The following TMTC4 variants were observed in gnomAD, a reference collection of about 807,000 sequenced individuals.
TMTC4 encodes the protein transmembrane O-mannosyltransferase targeting cadherins 4, also known as protein O-mannosyl-transferase TMTC4.
TMTC4 carries 65 observed loss-of-function variants against 86.0 expected under a neutral mutation model. The ratio of observed to expected loss-of-function variants is 0.76; its 90% CI spans 0.62 to 0.93. The LOEUF (loss-of-function observed/expected upper bound fraction) is 0.93, where lower values mean the gene tolerates loss of function less well. Ranked by LOEUF, TMTC4 falls within the 40% of genes least tolerant of loss-of-function variation. The pLI is 0.00. For missense variants in TMTC4, 866 were observed against 948.1 expected, an observed-to-expected ratio of 0.91 and a Z score of 1.14; for synonymous variants, 379 against 382.5, an observed-to-expected ratio of 0.99 and a Z score of 0.11.
chr13:100,623,334 G>A (rs1354502983), intron 15 of TMTC4, among the ~76,000 whole-genome samples: 1 of 152,252 alleles, frequency 6.6e-6, no homozygotes, highest in Non-Finnish European at 1.5e-5. Flanking sequence ...CCAGGTTCAA[G>A]TGATTTTCCT....
rs1876400345 is a variant in TMTC4, at chr13:100,605,243, G to C, written c.2135-101C>G. The C allele has an allele frequency of 7.5e-7, 1 of 1,326,754 alleles. No homozygotes were observed. The highest frequency in any genetic ancestry group is 1.0e-6 in the Non-Finnish European group (1 of 974,752). The allele number at this position is 1,326,754 out of a possible 1,614,324, so 82.2% of individuals were successfully genotyped here. A position where few individuals can be genotyped will look rare whatever the true frequency, so the allele number is the denominator to read the frequency against. On this transcript the variant is annotated intron_variant, in intron 18 of 18. Transcript: ENST00000342624. The surrounding 1 kb of genome is among the most constrained non-coding windows in gnomAD (Gnocchi z 4.3). ...AAATATTACAGATCCTATGCAAACA[G>C]TTTTCAAAAGTCAATTGTATGAAAC...
chr13:100,655,016 A>ATTTTTTTTTTTTTTTTTTTTTTT (rs35965658), intron 6 of TMTC4, among the ~76,000 whole-genome samples: 1 of 118,656 alleles, frequency 8.4e-6, no homozygotes. Context: ...CACAACGCCT[A>ATTTTTTTTTTTTTTTTTTTTTTT]TTTTTTTTTT....
At chr13:100,649,163 C>T (rs934587146) in intron 6 of TMTC4, among the ~76,000 whole-genome samples, 2 of 152,062 alleles carry the variant, frequency 1.3e-5, no homozygotes, top group Non-Finnish European at 2.9e-5. Flanking sequence ...CAAGGCCAGC[C>T]CATACAGCGT....
Position 100,665,536 on chromosome 13 carries a change from C to G in TMTC4, c.220-1200G>C, listed in dbSNP as rs145577500. Among the ~76,000 whole-genome samples the G allele has an allele frequency of 1.1e-4, 17 of 152,366 alleles. No individual in the cohort carries two copies. The East Asian group carries it at 3.3e-3, about 29-fold the overall frequency. ...TCATGCGCCGGGCACCTGGCAGAGACTGCCTGGCTGCCTCTGGGCCCCCAC... is the reference window on the plus strand; with the variant it reads ...TCATGCGCCGGGCACCTGGCAGAGAGTGCCTGGCTGCCTCTGGGCCCCCAC... On this transcript the variant is annotated intron_variant, in intron 3 of 18. Transcript: ENST00000342624.
At chr13:100,666,590 C>G (rs982164641) in intron 3 of TMTC4, among the ~76,000 whole-genome samples, 2 of 152,182 alleles carry the variant, frequency 1.3e-5, no homozygotes, top group Non-Finnish European at 2.9e-5. Context: ...CTTTATATGT[C>G]TTCTGCTTTA....
intron 15 of TMTC4, among the ~76,000 whole-genome samples, chr13:100,618,451 CTTGTTTTTTT>C (rs1368919199): frequency 1.2e-5 from 1 of 82,438 alleles, no homozygotes; most frequent in African/African-American, 3.9e-5. Context: ...TTTGTTGCTT[CTTGTTTTTTT>C]TTTTTTTTTA....
chr13:100,628,119 A>G (rs1430781141), intron 12 of TMTC4, among the ~76,000 whole-genome samples: 1 of 152,190 alleles, frequency 6.6e-6, no homozygotes, highest in Admixed American at 6.5e-5. Context: ...GTTTAGGGGT[A>G]CAGGATAGGC....
chr13:100,674,485 C>G (rs1258604093), intron 1 of TMTC4: 1 of 730,478 alleles, frequency 1.4e-6, no homozygotes, highest in African/African-American at 1.9e-5. Flanking sequence ...GGGGCCCGAG[C>G]GCGGCGGGCG....
intron 6 of TMTC4, among the ~76,000 whole-genome samples, chr13:100,651,782 G>C (rs1192571034): frequency 6.6e-6 from 1 of 151,910 alleles, no homozygotes; most frequent in Non-Finnish European, 1.5e-5. Context: ...TCTGATATTA[G>C]GCCTTTCTTT....
In TMTC4 at chr13:100,664,299, T is replaced by C. The variant is rs1042682135; in HGVS notation, c.257A>G (p.His86Arg). 14 of 1,611,996 alleles carry C rather than the reference T, an allele frequency of 8.7e-6. No homozygotes were observed. The highest frequency in any genetic ancestry group is 1.2e-5 in the Non-Finnish European group (14 of 1,178,982). ...QAETPLGDLW[H>R]HDFWGSRLSS... is the part of the protein sequence containing the mutation. ...CAGTCTACTGCCCCAGAAGTCATGA[T>C]GCCACAGGTCCCCCAGGGGCGTTTC... The change falls in exon 4 of 19, where the codon CAT becomes CGT. Residue 86 changes from histidine (H) to arginine (R), a missense_variant. By Grantham distance (29) the His-to-Arg change is conservative. Coordinates refer to ENST00000342624, the MANE Select transcript of TMTC4 (RefSeq NM_032813.5).
intron 3 of TMTC4, among the ~76,000 whole-genome samples, chr13:100,665,591 G>T (rs1228607356): frequency 6.6e-6 from 1 of 152,182 alleles, no homozygotes; most frequent in African/African-American, 2.4e-5. Context: ...ATTCCAACAG[G>T]TGGGCGCACC....
In TMTC4 at chr13:100,638,015, T is replaced by C; in HGVS notation, c.749A>G (p.Asn250Ser). ...KEQGITVLGL[N>S]AVFDILVIGK... ...TATCACCAAGATGTCAAATACCGCA[T>C]TTAAACCCTAAGAAAGCAAAGCAAG... Residue 250 changes from asparagine to serine, a missense_variant, in exon 8 of 19, where the codon AAT becomes AGT. Asn to Ser is a conservative substitution (Grantham distance 46, BLOSUM62 1). Coordinates refer to ENST00000342624, the MANE Select transcript of TMTC4 (RefSeq NM_032813.5). The C allele has an allele frequency of 6.2e-7, 1 of 1,613,816 alleles. No individual in the cohort carries two copies. Among genetic ancestry groups the C allele is most frequent in the Middle Eastern group, 1.7e-4 (1 of 6,060 alleles).
intron 6 of TMTC4, among the ~76,000 whole-genome samples, chr13:100,655,083 G>A (rs1191595274): frequency 2.7e-5 from 4 of 146,574 alleles, no homozygotes; most frequent in South Asian, 2.2e-4. Flanking sequence ...GTGCAGTGGC[G>A]CAATCTCGGC....
intron 6 of TMTC4, among the ~76,000 whole-genome samples, chr13:100,653,967 A>G (rs1884759400): frequency 6.6e-6 from 1 of 152,218 alleles, no homozygotes; most frequent in Non-Finnish European, 1.5e-5. Flanking sequence ...GGTGCCTGCA[A>G]AGGCCCAGAG....
At chr13:100,634,745 C>A in intron 12 of TMTC4, 60 bp downstream of exon 12, 1 of 1,563,798 alleles carries the variant, frequency 6.4e-7, no homozygotes, top group Non-Finnish European at 8.7e-7. Flanking sequence ...CTTATTCAGC[C>A]CAAGAACTTA....
chr13:100,668,277 A>G (rs1430552624), intron 3 of TMTC4: 2 of 289,496 alleles, frequency 6.9e-6, no homozygotes, highest in Non-Finnish European at 1.3e-5. Context: ...CTAAGTCTGC[A>G]ACACCCTGCA....
rs935062455 is a variant in TMTC4, at chr13:100,603,873, G to A, written c.*1121C>T. The A allele has an allele frequency of 2.6e-5, 4 of 152,502 alleles. No homozygotes were observed. The highest frequency in any genetic ancestry group is 9.7e-5 in the African/African-American group (4 of 41,406). The allele number at this position is 152,502 out of a possible 1,614,324, so 9.4% of individuals were successfully genotyped here. A position where few individuals can be genotyped will look rare whatever the true frequency, so the allele number is the denominator to read the frequency against. On this transcript the variant is annotated 3_prime_UTR_variant, in exon 19 of 19. Coordinates refer to ENST00000342624, the MANE Select transcript of TMTC4 (RefSeq NM_032813.5). ...CAGTTTGATTTCATTTTAAGGTAAA[G>A]GAGGATACAAAGTTCACTACTTGAA...
rs138668023 is a variant in TMTC4, at chr13:100,613,185, G to A, written c.1952-675C>T. 4.3e-3 allele frequency among the ~76,000 whole-genome samples: 659 copies of A among 152,250 alleles called. 6 individuals are homozygous for A. The highest frequency in any genetic ancestry group is 0.015 in the African/African-American group (633 of 41,540). ...CACCCTACTGTGCAGTGGAACACTA[G>A]AACTGACTCCTATCTGTGTTTGTAC... On this transcript the variant is annotated intron_variant, in intron 16 of 18. Transcript: ENST00000342624.
chr13:100,631,462 C>T (rs763349529), intron 12 of TMTC4, among the ~76,000 whole-genome samples: 23 of 152,184 alleles, frequency 1.5e-4, no homozygotes, highest in Non-Finnish European at 2.8e-4. Flanking sequence ...GTGTGACATA[C>T]TTTTAAGCCT....
Sources: gnomAD v4.1 joint callset for allele counts (sites outside exome capture counted in the v4.1 genomes callset) on GRCh38, gnomAD v4.1.1 for gene constraint, Gnocchi (gnomAD v3.1) non-coding constraint, MANE v1.5 for transcripts, NCBI Gene and HGNC (gene_info 2026-07-23, HGNC 2026-07-21) for gene names.